The following TRIM35 variants were observed in gnomAD, a reference collection of about 807,000 sequenced individuals.
TRIM35 encodes tripartite motif containing 35.
A neutral mutation model predicts 49.1 loss-of-function variants in TRIM35; 37 were observed. The ratio of observed to expected loss-of-function variants is 0.75; its 90% CI spans 0.58 to 0.99. The LOEUF (loss-of-function observed/expected upper bound fraction) is 0.99, where lower values mean the gene tolerates loss of function less well. TRIM35 is among the 50% of genes least tolerant of loss of function. TRIM35 has a pLI of 0.00. For missense variants in TRIM35, 648 were observed against 702.7 expected, an observed-to-expected ratio of 0.92 and a Z score of 0.88; for synonymous variants, 302 against 289.3, an observed-to-expected ratio of 1.04 and a Z score of -0.45.
intron 3 of TRIM35, among the ~76,000 whole-genome samples, chr8:27,290,847 C>G (rs569411479): frequency 6.6e-6 from 1 of 152,026 alleles, no homozygotes; most frequent in Non-Finnish European, 1.5e-5. Flanking sequence ...CTCATAATCT[C>G]CAATTTCAAG....
At chr8:27,305,726 G>C (rs2130314063) in intron 1 of TRIM35, among the ~76,000 whole-genome samples, 1 of 152,328 alleles carries the variant, frequency 6.6e-6, no homozygotes, top group South Asian at 2.1e-4. Context: ...CTGCAAGATG[G>C]ATAAGACAAG....
Position 27,288,123 on chromosome 8 carries a change from G to C in TRIM35, c.909C>G (p.Pro303=), listed in dbSNP as rs1445320365. ...CTGCGGTGTTGGGGTCAAAGCTGAAGGGTACTGCAAGCAGAGGCGGAAATG... is the reference window on the plus strand; with the variant it reads ...CTGCGGTGTTGGGGTCAAAGCTGAACGGTACTGCAAGCAGAGGCGGAAATG... The part of the protein sequence containing the change: ...KKMLASVESV[P]FSFDPNTAAG... The change falls in exon 6 of 6, where the codon CCC becomes CCG. Residue 303 remains proline, a synonymous_variant. Coordinates refer to ENST00000305364, the MANE Select transcript of TRIM35 (RefSeq NM_171982.5). 6.2e-7 allele frequency: 1 copy of C among 1,602,402 alleles called. No homozygotes were observed.
intron 1 of TRIM35, among the ~76,000 whole-genome samples, chr8:27,302,673 G>T (rs758152903): frequency 6.6e-6 from 1 of 152,190 alleles, no homozygotes; most frequent in Non-Finnish European, 1.5e-5. Flanking sequence ...CTCCCAAAGT[G>T]CTGGGATTAC....
intron 1 of TRIM35, chr8:27,304,726 G>C (rs999854335): frequency 4.7e-6 from 2 of 425,074 alleles, no homozygotes; most frequent in African/African-American, 4.1e-5. Flanking sequence ...CAGTCAATGA[G>C]TACATGGAAT....
In TRIM35 at chr8:27,287,545, C is replaced by G. The variant is rs529692872; in HGVS notation, c.*5G>C. On this transcript the variant is annotated 3_prime_UTR_variant, in exon 6 of 6. Transcript: ENST00000305364. This position sits in a 1 kb window ranked among gnomAD's most constrained non-coding sequence, Gnocchi z 6.0. Reference sequence around the variant, plus strand: ...GGCACAAGACCGGGGCAGCCCCGGGCCAGCTCAGCCATCCAGTTCTTCCTT... The same window carrying G: ...GGCACAAGACCGGGGCAGCCCCGGGGCAGCTCAGCCATCCAGTTCTTCCTT... The G allele has an allele frequency of 4.5e-6, 7 of 1,561,788 alleles. No homozygotes were observed. Among genetic ancestry groups the G allele is most frequent in the Non-Finnish European group, 5.2e-6 (6 of 1,152,592 alleles).
intron 1 of TRIM35, among the ~76,000 whole-genome samples, chr8:27,298,925 G>T (rs1254050355): frequency 1.3e-5 from 2 of 152,292 alleles, no homozygotes; most frequent in Non-Finnish European, 2.9e-5. Flanking sequence ...TGAGCTGTGT[G>T]GACAACTGCA....
In TRIM35 at chr8:27,294,226, G is replaced by A. The variant is rs568085746; in HGVS notation, c.616C>T (p.Leu206=). ...EFLRVEEQAI[L]DAMAEETRQK... is the part of the protein sequence containing the mutation. ...CTTGTCTCCTCGGCCATGGCATCCA[G>A]AATGGCCTGCTCCTCCACTCTCAAG... Residue 206 remains leucine (L), a synonymous_variant, in exon 3 of 6, where the codon CTG becomes TTG. Coordinates refer to ENST00000305364, the MANE Select transcript of TRIM35 (RefSeq NM_171982.5). 1.7e-5 allele frequency: 27 copies of A among 1,614,148 alleles called. No homozygotes were observed. Among genetic ancestry groups the A allele is most frequent in the Middle Eastern group, 3.3e-4 (2 of 6,062 alleles).
rs186915540 is a variant in TRIM35, at chr8:27,289,338, C to A, written c.786-58G>T. 2.3e-5 allele frequency: 32 copies of A among 1,396,000 alleles called. No individual in the cohort carries two copies. The East Asian group carries it at 7.4e-4, about 32-fold the overall frequency. The allele number at this position is 1,396,000 out of a possible 1,614,324, so 86.5% of individuals were successfully genotyped here. On this transcript the variant is annotated intron_variant, in intron 4 of 5. Transcript: ENST00000305364. Reference sequence around the variant, plus strand: ...CCAGAGCCATGCAACCTGGGCCGAACTGGGCCAACTGGAAACCAGCAACAG... The same window carrying A: ...CCAGAGCCATGCAACCTGGGCCGAAATGGGCCAACTGGAAACCAGCAACAG...
chr8:27,289,249 G>A lies in TRIM35; in HGVS notation c.817C>T (p.Gln273Ter), dbSNP rs370563312. 3.1e-6 allele frequency: 5 copies of A among 1,614,028 alleles called. No individual in the cohort carries two copies. The African/African-American group carries it at 5.3e-5, about 17-fold the overall frequency. Residue 273 changes from glutamine (Q) to a stop codon, truncating the protein, a stop_gained, in exon 5 of 6, where the codon CAG becomes TAG. Transcript: ENST00000305364. LOFTEE classifies it high-confidence loss of function. ...CAGACATCGATAAGCATGCCGGGCTGGACTGGCTCTGGCTCCATGGTGCAG... is the reference window on the plus strand; with the variant it reads ...CAGACATCGATAAGCATGCCGGGCTAGACTGGCTCTGGCTCCATGGTGCAG... The part of the protein sequence containing the change: ...LFCTMEPEPV[Q>*]PGMLIDVCKY...
At chr8:27,291,058 C>CAAA (rs56953962) in intron 3 of TRIM35, among the ~76,000 whole-genome samples, 19 of 50,600 alleles carry the variant, frequency 3.8e-4, no homozygotes, top group East Asian at 1.3e-3. Context: ...TGTTGACATG[C>CAAA]AAAAAAAAAA....
chr8:27,299,495 T>A (rs1037330837), intron 1 of TRIM35, among the ~76,000 whole-genome samples: 2 of 152,120 alleles, frequency 1.3e-5, no homozygotes, highest in Admixed American at 1.3e-4. Context: ...TTGGCCCCAT[T>A]TATAGATGAG....
intron 1 of TRIM35, among the ~76,000 whole-genome samples, chr8:27,304,236 G>T (rs1327452970): frequency 6.6e-6 from 1 of 152,238 alleles, no homozygotes; most frequent in Non-Finnish European, 1.5e-5. Flanking sequence ...GCAAGGGAAA[G>T]AATGAATTTC....
At position 27,310,801 on chromosome 8, in the gene TRIM35, C is replaced by G. The variant is rs557664219; in HGVS notation, c.435G>C (p.Arg145=). 175 of 1,583,184 alleles carry G rather than the reference C, an allele frequency of 1.1e-4. 1 individual carries two copies. In the South Asian group the frequency reaches 2.0e-3, roughly 18 times the overall value. Residue 145 remains arginine, a splice_region_variant and synonymous_variant, in exon 1 of 6, where the codon CGG becomes CGC. Coordinates refer to ENST00000305364, the MANE Select transcript of TRIM35 (RefSeq NM_171982.5). ...GCCTCGTGCAAATCGCTGCTCTTAC[C>G]CGAAAGTCGTGGGCAGTGTCCTTCA... is the stretch of plus-strand genomic sequence containing the variant. The part of the protein sequence containing the change: ...QPVKDTAHDF[R]AKCRNMEHAL...
intron 1 of TRIM35, among the ~76,000 whole-genome samples, chr8:27,303,572 G>A (rs1025484510): frequency 7.9e-5 from 12 of 152,248 alleles, no homozygotes; most frequent in Non-Finnish European, 2.9e-5. Context: ...AATGAGCAGA[G>A]ATGGGCAGTA....
intron 1 of TRIM35, among the ~76,000 whole-genome samples, chr8:27,309,721 G>A (rs952387778): frequency 6.6e-6 from 1 of 151,992 alleles, no homozygotes; most frequent in Non-Finnish European, 1.5e-5. Flanking sequence ...AGTGGCTCAC[G>A]CCTGTAATCC....
chr8:27,302,631 C>T (rs1464090112), intron 1 of TRIM35, among the ~76,000 whole-genome samples: 2 of 152,172 alleles, frequency 1.3e-5, no homozygotes, highest in South Asian at 2.1e-4. Context: ...TGGTCTGAAA[C>T]TCCTTGGCTC....
chr8:27,306,139 C>T (rs1586055829), intron 1 of TRIM35, among the ~76,000 whole-genome samples: 3 of 152,120 alleles, frequency 2.0e-5, no homozygotes, highest in South Asian at 2.1e-4. Flanking sequence ...GATGTAACCA[C>T]CTCCTCACAA....
chr8:27,302,207 T>C (rs1292239528), intron 1 of TRIM35, among the ~76,000 whole-genome samples: 1 of 152,158 alleles, frequency 6.6e-6, no homozygotes, highest in African/African-American at 2.4e-5. Context: ...TAGTACAATA[T>C]TGTCTCTATA....
chr8:27,302,856 G>A (rs1802706594), intron 1 of TRIM35, among the ~76,000 whole-genome samples: 2 of 152,182 alleles, frequency 1.3e-5, no homozygotes, highest in Admixed American at 1.3e-4. Context: ...GCAAAAATAT[G>A]CAACCATATT....
Sources: gnomAD v4.1 joint callset for allele counts (sites outside exome capture counted in the v4.1 genomes callset) on GRCh38, gnomAD v4.1.1 for gene constraint, Gnocchi (gnomAD v3.1) non-coding constraint, MANE v1.5 for transcripts, NCBI Gene and HGNC (gene_info 2026-07-23, HGNC 2026-07-21) for gene names.